Variants in SGCZ observed in about 807,000 individuals in gnomAD.
The protein encoded by SGCZ is sarcoglycan zeta.
SGCZ carries 40 observed loss-of-function variants against 41.3 expected under a neutral mutation model. That is an observed-to-expected ratio of 0.97 (90% CI 0.75 to 1.26). SGCZ has a LOEUF of 1.26. SGCZ is among the 50% of genes most tolerant of loss of function. The pLI, the probability that SGCZ is intolerant of heterozygous loss-of-function variation, is 0.00. For missense variants in SGCZ, 552 were observed against 369.8 expected, an observed-to-expected ratio of 1.49 and a Z score of -4.04; for synonymous variants, 206 against 137.5, an observed-to-expected ratio of 1.50 and a Z score of -3.49.
At chr8:14,664,803 C>T (rs896808930) in intron 1 of SGCZ, among the ~76,000 whole-genome samples, 3 of 152,072 alleles carry the variant, frequency 2.0e-5, no homozygotes, top group African/African-American at 7.2e-5. Context: ...AATGGTTTTT[C>T]TCTGAGAAAC....
chr8:14,347,917 C>T (rs891877034), intron 2 of SGCZ, among the ~76,000 whole-genome samples: 1 of 152,118 alleles, frequency 6.6e-6, no homozygotes, highest in African/African-American at 2.4e-5. Flanking sequence ...ACTTTATTTT[C>T]TCTAAACTGA....
At chr8:14,408,204 C>G (rs1276726973) in intron 2 of SGCZ, among the ~76,000 whole-genome samples, 1 of 152,062 alleles carries the variant, frequency 6.6e-6, no homozygotes, top group African/African-American at 2.4e-5. Context: ...AAAAGGAAAT[C>G]ATCACGATAT....
At chr8:14,352,549 A>G (rs949905531) in intron 2 of SGCZ, among the ~76,000 whole-genome samples, 1 of 152,144 alleles carries the variant, frequency 6.6e-6, no homozygotes, top group Non-Finnish European at 1.5e-5. Flanking sequence ...TACCAGGTGC[A>G]AAAGATACTG....
chr8:14,890,194 G>C (rs1449879624), intron 1 of SGCZ, among the ~76,000 whole-genome samples: 1 of 151,338 alleles, frequency 6.6e-6, no homozygotes, highest in African/African-American at 2.4e-5. Flanking sequence ...TCCAGCCTGG[G>C]CGACAGAACA....
chr8:14,912,015 A>C (rs776629528), intron 1 of SGCZ, among the ~76,000 whole-genome samples: 6 of 152,040 alleles, frequency 3.9e-5, no homozygotes, highest in Non-Finnish European at 8.8e-5. Flanking sequence ...CCCTATATTC[A>C]AGGTGAAGAG....
intron 1 of SGCZ, among the ~76,000 whole-genome samples, chr8:15,100,573 A>T (rs1282887849): frequency 6.6e-6 from 1 of 152,206 alleles, no homozygotes; most frequent in Non-Finnish European, 1.5e-5. Flanking sequence ...TCACCAGTGG[A>T]TTATTTTGTA....
intron 3 of SGCZ, among the ~76,000 whole-genome samples, chr8:14,240,596 G>A (rs17118860): frequency 0.27 from 40,293 of 151,936 alleles, 6,214 homozygotes; most frequent in African/African-American, 0.42. Flanking sequence ...CTCAGAGGTA[G>A]TGAGTTATTC....
chr8:15,067,426 C>A (rs1466559531), intron 1 of SGCZ, among the ~76,000 whole-genome samples: 2 of 152,296 alleles, frequency 1.3e-5, no homozygotes, highest in South Asian at 2.1e-4. Flanking sequence ...ATTATCCCTA[C>A]TGTACTGATA....
chr8:14,823,521 C>T (rs896787319), intron 1 of SGCZ, among the ~76,000 whole-genome samples: 1 of 152,104 alleles, frequency 6.6e-6, no homozygotes, highest in Non-Finnish European at 1.5e-5. Context: ...CTTAAAGTTA[C>T]AATAAATACC....
At chr8:14,230,489 T>C (rs1806523662) in intron 4 of SGCZ, among the ~76,000 whole-genome samples, 1 of 152,106 alleles carries the variant, frequency 6.6e-6, no homozygotes, top group Non-Finnish European at 1.5e-5. Flanking sequence ...GTAATGTACA[T>C]AAGGTCACAT....
At chr8:15,224,833 C>T (rs1289620507) in intron 1 of SGCZ, among the ~76,000 whole-genome samples, 1 of 152,064 alleles carries the variant, frequency 6.6e-6, no homozygotes, top group African/African-American at 2.4e-5. Context: ...ACAAAATAAA[C>T]TTTATGGCAG....
chr8:14,916,074 G>A, intron 1 of SGCZ, among the ~76,000 whole-genome samples: 1 of 152,184 alleles, frequency 6.6e-6, no homozygotes, highest in East Asian at 1.9e-4. Context: ...ATGTAGGTTT[G>A]CAGAGTAAGA....
At chr8:15,135,329 G>C (rs1037633379) in intron 1 of SGCZ, among the ~76,000 whole-genome samples, 1 of 152,100 alleles carries the variant, frequency 6.6e-6, no homozygotes, top group African/African-American at 2.4e-5. Context: ...GCTGAAATTG[G>C]CTCATTTTCA....
At chr8:14,417,032 A>T (rs56033452) in intron 2 of SGCZ, among the ~76,000 whole-genome samples, 36,621 of 151,720 alleles carry the variant, frequency 0.24, 4,605 homozygotes, top group Non-Finnish European at 0.29. Flanking sequence ...AGGATCAAGC[A>T]GGCTCTTTGA....
chr8:14,374,702 G>A (rs190405466), intron 2 of SGCZ, among the ~76,000 whole-genome samples: 35 of 152,240 alleles, frequency 2.3e-4, no homozygotes, highest in African/African-American at 7.2e-4. Context: ...GGGAGTAGAG[G>A]TGCAGTAGTC....
chr8:14,405,385 T>A (rs1230225637), intron 2 of SGCZ, among the ~76,000 whole-genome samples: 1 of 152,234 alleles, frequency 6.6e-6, no homozygotes, highest in Non-Finnish European at 1.5e-5. Flanking sequence ...CATTAAGATT[T>A]AAACTAAAAT....
intron 1 of SGCZ, among the ~76,000 whole-genome samples, chr8:14,809,975 GA>G (rs1182530722): frequency 6.6e-6 from 1 of 151,980 alleles, no homozygotes; most frequent in African/African-American, 2.4e-5. Flanking sequence ...CTTATTTTAA[GA>G]AACTCAAGCT....
intron 1 of SGCZ, among the ~76,000 whole-genome samples, chr8:14,929,829 C>A (rs1023211431): frequency 2.0e-5 from 3 of 151,930 alleles, no homozygotes; most frequent in African/African-American, 7.3e-5. Context: ...TAGTTTTCCT[C>A]CTCATTATTT....
At chr8:14,515,231 G>A (rs1361108037) in intron 2 of SGCZ, among the ~76,000 whole-genome samples, 3 of 152,114 alleles carry the variant, frequency 2.0e-5, no homozygotes, top group African/African-American at 7.2e-5. Flanking sequence ...CATGTATCCA[G>A]GGCAACTGGA....
Sources: gnomAD v4.1 joint callset for allele counts (sites outside exome capture counted in the v4.1 genomes callset) on GRCh38, gnomAD v4.1.1 for gene constraint, MANE v1.5 for transcripts, NCBI Gene and HGNC (gene_info 2026-07-23, HGNC 2026-07-21) for gene names.